The following RASAL2 variants were observed in gnomAD, a reference collection of about 807,000 sequenced individuals.
The protein encoded by RASAL2 is RAS protein activator like 2.
RASAL2 carries 58 observed loss-of-function variants against 128.9 expected under a neutral mutation model. The observed-to-expected ratio is 0.45, with a 90% CI of 0.36 to 0.56. The LOEUF is 0.56. Among genes scored for constraint, RASAL2 ranks in the 20% least tolerant of loss-of-function variants. The probability of loss-of-function intolerance (pLI) is 0.00; values close to 1 mark genes in which losing one functional copy is unlikely to be tolerated. For missense variants in RASAL2, 1,360 were observed against 1,601.6 expected (o/e 0.85, Z 2.57); for synonymous variants, 561 against 580.8 (o/e 0.97, Z 0.49).
intron 2 of RASAL2, among the ~76,000 whole-genome samples, chr1:178,296,139 GTGTGTATATA>G (rs1055920557): frequency 7.6e-6 from 1 of 131,286 alleles, no homozygotes; most frequent in Non-Finnish European, 1.5e-5. Context: ...ATATATATGT[GTGTGTATATA>G]TGTGTATATA....
At chr1:178,252,866 T>C (rs1045075235) in intron 1 of RASAL2, among the ~76,000 whole-genome samples, 5 of 152,210 alleles carry the variant, frequency 3.3e-5, no homozygotes, top group Non-Finnish European at 7.3e-5. Context: ...AATATTTCTC[T>C]ATTACAACCT....
chr1:178,270,947 G>C (rs182870682), intron 1 of RASAL2, among the ~76,000 whole-genome samples: 1 of 152,198 alleles, frequency 6.6e-6, no homozygotes, highest in East Asian at 1.9e-4. Flanking sequence ...GAGACCTTTG[G>C]GGGAAGCTCA....
At chr1:178,144,951 C>T (rs1287247693) in intron 1 of RASAL2, among the ~76,000 whole-genome samples, 1 of 152,092 alleles carries the variant, frequency 6.6e-6, no homozygotes, top group East Asian at 1.9e-4. Flanking sequence ...ATTTAGTATC[C>T]TTTTGCTATT....
intron 1 of RASAL2, among the ~76,000 whole-genome samples, chr1:178,114,010 A>G (rs1317540526): frequency 6.6e-6 from 1 of 151,656 alleles, no homozygotes; most frequent in Middle Eastern, 3.2e-3. Flanking sequence ...AATTTTTTAC[A>G]TTTTTTATCT....
At chr1:178,268,862 G>A (rs1223025288) in intron 1 of RASAL2, among the ~76,000 whole-genome samples, 1 of 152,182 alleles carries the variant, frequency 6.6e-6, no homozygotes, top group Non-Finnish European at 1.5e-5. Flanking sequence ...AGGACTGGTG[G>A]ATAGTTATCA....
At chr1:178,408,861 TCTC>T (rs1389346708) in intron 4 of RASAL2, among the ~76,000 whole-genome samples, 1 of 152,126 alleles carries the variant, frequency 6.6e-6, no homozygotes, top group Non-Finnish European at 1.5e-5. Flanking sequence ...GGCTCAAAGT[TCTC>T]CTCTGCCATT....
intron 4 of RASAL2, among the ~76,000 whole-genome samples, chr1:178,409,091 G>A (rs1218950392): frequency 1.3e-5 from 2 of 152,216 alleles, no homozygotes; most frequent in East Asian, 1.9e-4. Context: ...GCAAGAGAGA[G>A]CAAGCGGGGA....
chr1:178,258,781 G>A (rs901539077), intron 1 of RASAL2, among the ~76,000 whole-genome samples: 8 of 152,168 alleles, frequency 5.3e-5, no homozygotes, highest in East Asian at 1.9e-4. Context: ...AAATGAAAAC[G>A]TATGTCCTCA....
chr1:178,451,426 T>G (rs1677369371), intron 9 of RASAL2, 145 bp from the exon 10 acceptor site: 1 of 796,718 alleles, frequency 1.3e-6, no homozygotes, highest in Admixed American at 2.9e-5. Context: ...GCAATGAGGC[T>G]TCATGGGCCA....
At chr1:178,321,502 T>C (rs945192660) in intron 3 of RASAL2, among the ~76,000 whole-genome samples, 3 of 152,138 alleles carry the variant, frequency 2.0e-5, no homozygotes, top group Non-Finnish European at 2.9e-5. Context: ...TATTTTTTTC[T>C]TTTTTGTTTT....
intron 3 of RASAL2, chr1:178,341,419 A>G: frequency 7.0e-7 from 1 of 1,426,012 alleles, no homozygotes. Flanking sequence ...GCGAGGATTG[A>G]GTTTAACTGG....
At chr1:178,277,977 C>T (rs1406938868) in intron 1 of RASAL2, among the ~76,000 whole-genome samples, 1 of 152,116 alleles carries the variant, frequency 6.6e-6, no homozygotes, top group Non-Finnish European at 1.5e-5. Flanking sequence ...AGACATCACC[C>T]AGAGTTGTTT....
chr1:178,144,219 A>G (rs1314457929), intron 1 of RASAL2, among the ~76,000 whole-genome samples: 6 of 152,250 alleles, frequency 3.9e-5, no homozygotes, highest in Non-Finnish European at 1.5e-5. Flanking sequence ...GTACAGAGAG[A>G]AAGTTGATCA....
chr1:178,345,085 T>G (rs1670081065), intron 3 of RASAL2, among the ~76,000 whole-genome samples: 1 of 152,148 alleles, frequency 6.6e-6, no homozygotes, highest in African/African-American at 2.4e-5. Context: ...TCCTTGCCCC[T>G]ACTCAAACCG....
rs1647420345 is a variant in RASAL2, at chr1:178,464,342, A to G, written c.3317A>G (p.Asn1106Ser). The G allele has an allele frequency of 6.2e-7, 1 of 1,613,872 alleles. No individual in the cohort carries two copies. The highest frequency in any genetic ancestry group is 8.5e-7 in the Non-Finnish European group (1 of 1,179,824). Reference protein sequence around the residue: ...PVERTAAWVLNNGQYEEDVEE... With the variant: ...PVERTAAWVLSNGQYEEDVEE... ...GAGAGGACAGCAGCCTGGGTTCTGA[A>G]CAATGGGCAGTATGAAGAGGATGTG... Residue 1106 changes from asparagine (N) to serine (S), a missense_variant, in exon 15 of 18, where the codon AAC becomes AGC. Asn to Ser is a conservative substitution (Grantham distance 46). Around this residue, in one of 3 missense-constraint regions of RASAL2, gnomAD observed 741 missense variants for 868.6 expected, o/e 0.85. Coordinates refer to ENST00000367649, the MANE Select transcript of RASAL2 (RefSeq NM_170692.4).
intron 1 of RASAL2, among the ~76,000 whole-genome samples, chr1:178,175,748 C>A (rs1179008742): frequency 6.6e-6 from 1 of 151,850 alleles, no homozygotes; most frequent in Non-Finnish European, 1.5e-5. Context: ...CTGTGAATGC[C>A]TTTGTGTACC....
intron 1 of RASAL2, among the ~76,000 whole-genome samples, chr1:178,250,688 T>G (rs1190997783): frequency 1.3e-5 from 2 of 152,214 alleles, no homozygotes; most frequent in Non-Finnish European, 2.9e-5. Flanking sequence ...CTGTTCCTAT[T>G]AGGTCATCTT....
At chr1:178,429,895 C>T (rs1215172487) in intron 5 of RASAL2, among the ~76,000 whole-genome samples, 1 of 152,068 alleles carries the variant, frequency 6.6e-6, no homozygotes, top group African/African-American at 2.4e-5. Flanking sequence ...GAGTTACATG[C>T]TCCCTCCCTT....
intron 3 of RASAL2, among the ~76,000 whole-genome samples, chr1:178,324,853 C>T (rs74413407): frequency 1.8e-3 from 280 of 152,078 alleles, no homozygotes; most frequent in African/African-American, 6.5e-3. Flanking sequence ...ATTTTATGTG[C>T]GAAACAGACT....
Sources: allele counts gnomAD v4.1 joint callset (sites outside exome capture counted in the v4.1 genomes callset), GRCh38; gene constraint gnomAD v4.1.1; regional missense constraint gnomAD v4.1.1; transcripts MANE v1.5; gene names NCBI Gene and HGNC (gene_info 2026-07-23, HGNC 2026-07-21).